Variants in CCBE1 observed in about 807,000 individuals in gnomAD.
CCBE1 encodes collagen and calcium-binding EGF domain-containing protein 1.
Under a neutral mutation model 50.0 loss-of-function variants are expected in CCBE1, and 37 were observed. The ratio of observed to expected loss-of-function variants is 0.74; its 90% CI spans 0.57 to 0.97. The LOEUF is 0.97. Among genes scored for constraint, CCBE1 ranks in the 50% least tolerant of loss-of-function variants. CCBE1 has a pLI of 0.00. For synonymous variants in CCBE1, 234 were observed against 203.7 expected, an observed-to-expected ratio of 1.15 and a Z score of -1.27; for missense variants, 538 against 523.8, an observed-to-expected ratio of 1.03 and a Z score of -0.26.
chr18:59,539,196 C>CAAA (rs763047358), intron 2 of CCBE1, among the ~76,000 whole-genome samples: 1,615 of 147,994 alleles, frequency 0.011, 13 homozygotes, highest in African/African-American at 0.014. Context: ...CACACACACA[C>CAAA]ACACAAAAAA....
intron 2 of CCBE1, among the ~76,000 whole-genome samples, chr18:59,662,745 A>G (rs190347070): frequency 1.3e-5 from 2 of 152,346 alleles, no homozygotes; most frequent in Admixed American, 6.5e-5. Context: ...GGCAGAATAG[A>G]TGCAAATGCT....
intron 2 of CCBE1, among the ~76,000 whole-genome samples, chr18:59,659,689 G>C (rs1158010628): frequency 6.6e-6 from 1 of 152,180 alleles, no homozygotes; most frequent in East Asian, 1.9e-4. Flanking sequence ...GCAGAGCTGA[G>C]CCTGATGACA....
intron 2 of CCBE1, among the ~76,000 whole-genome samples, chr18:59,487,759 A>G (rs1326929125): frequency 6.6e-6 from 1 of 152,246 alleles, no homozygotes; most frequent in Non-Finnish European, 1.5e-5. Flanking sequence ...ACTGATGGTC[A>G]AGATCAAATG....
chr18:59,575,958 C>T (rs1255179520), intron 2 of CCBE1, among the ~76,000 whole-genome samples: 1 of 152,248 alleles, frequency 6.6e-6, no homozygotes, highest in Non-Finnish European at 1.5e-5. Context: ...TTAACCCCTT[C>T]CCCTCCAGCT....
intron 2 of CCBE1, among the ~76,000 whole-genome samples, chr18:59,536,101 T>C (rs1190552336): frequency 2.0e-5 from 3 of 152,238 alleles, no homozygotes; most frequent in Non-Finnish European, 2.9e-5. Context: ...TTAACATTTG[T>C]AAAGGTCTGA....
In CCBE1 at chr18:59,635,099, C is replaced by G. The variant is rs77495136; in HGVS notation, c.212+61530G>C. On this transcript the variant is annotated intron_variant, in intron 2 of 10. Coordinates refer to ENST00000439986, the MANE Select transcript of CCBE1 (RefSeq NM_133459.4). ...ATATAAGCAAAGTAAAAAGTAGAGA[C>G]AGCAAAGCCACTCTAAAGGCAGAGA... Among the ~76,000 whole-genome samples, 778 of 152,278 alleles carry G rather than the reference C, an allele frequency of 5.1e-3. 27 individuals are homozygous for G. The East Asian group carries it at 0.091, about 18-fold the overall frequency.
chr18:59,665,988 G>A (rs1381787440), intron 2 of CCBE1: 1 of 152,300 alleles, frequency 6.6e-6, no homozygotes, highest in African/African-American at 2.4e-5. Context: ...CCCACGGACA[G>A]ATTCTATATC....
intron 2 of CCBE1, among the ~76,000 whole-genome samples, chr18:59,583,463 CTG>C (rs1404977663): frequency 6.6e-6 from 1 of 152,182 alleles, no homozygotes; most frequent in Non-Finnish European, 1.5e-5. Context: ...GAGGGCAAAA[CTG>C]TGCCCAAGTG....
chr18:59,514,905 C>G (rs1312780128), intron 2 of CCBE1, among the ~76,000 whole-genome samples: 1 of 152,112 alleles, frequency 6.6e-6, no homozygotes, highest in African/African-American at 2.4e-5. Context: ...TCCTAGCTCA[C>G]TTTACGCCTA....
chr18:59,522,126 CTTT>C (rs756293644), intron 2 of CCBE1, among the ~76,000 whole-genome samples: 1 of 73,564 alleles, frequency 1.4e-5, no homozygotes, highest in Admixed American at 1.3e-4. Flanking sequence ...CTTAACTTTT[CTTT>C]TTTTTTTTTT....
At chr18:59,500,592 G>T (rs751056400) in intron 2 of CCBE1, among the ~76,000 whole-genome samples, 1 of 152,158 alleles carries the variant, frequency 6.6e-6, no homozygotes, top group South Asian at 2.1e-4. Flanking sequence ...TTCTTAATGA[G>T]GAGCTCTGCC....
chr18:59,495,010 C>T (rs916500953), intron 2 of CCBE1, among the ~76,000 whole-genome samples: 13 of 152,154 alleles, frequency 8.5e-5, no homozygotes, highest in South Asian at 4.1e-4. Flanking sequence ...AAAAAATTAG[C>T]GAGGCATGTT....
At chr18:59,697,609 G>C (rs1568279521), upstream of CCBE1, 1 of 477,758 alleles carries the variant, frequency 2.1e-6, no homozygotes, top group East Asian at 4.0e-5. Flanking sequence ...GGGCCCTGAG[G>C]TTCAAGTTGT....
At chr18:59,601,010 G>GGTT (rs1555697206) in intron 2 of CCBE1, among the ~76,000 whole-genome samples, 1 of 58,004 alleles carries the variant, frequency 1.7e-5, no homozygotes, top group East Asian at 5.5e-4. Context: ...CTATGTGTCA[G>GGTT]TTTTTTTTTT....
chr18:59,438,191 A>G, intron 9 of CCBE1, 45 bp from the exon 10 acceptor site: 1 of 1,557,864 alleles, frequency 6.4e-7, no homozygotes, highest in Non-Finnish European at 8.9e-7. Flanking sequence ...GCACATGGAT[A>G]TCACAAGAAT....
Position 59,433,627 on chromosome 18 carries a change from C to CA in CCBE1, c.*2280dup, listed in dbSNP as rs1386172090. 6.8e-6 allele frequency: 1 copy of CA among 148,042 alleles called. No homozygotes were observed. The highest frequency in any genetic ancestry group is 1.5e-5 in the Non-Finnish European group (1 of 67,354). 9.2% of individuals were successfully genotyped at this position (148,042 alleles called of 1,614,324 possible). ...AAGGGATATTTTTTTTTTTTTGAGACAGAGTCTCGCTCTGTCGCCCAGGCT... is the reference window on the plus strand; with the variant it reads ...AAGGGATATTTTTTTTTTTTTGAGACAAGAGTCTCGCTCTGTCGCCCAGGCT... On this transcript the variant is annotated 3_prime_UTR_variant, in exon 11 of 11. Transcript: ENST00000439986.
chr18:59,667,950 G>A lies in CCBE1; in HGVS notation c.212+28679C>T, dbSNP rs142635564. 7.6e-4 allele frequency among the ~76,000 whole-genome samples: 116 copies of A among 152,206 alleles called. 1 individual carries two copies. Among genetic ancestry groups the A allele is most frequent in the African/African-American group, 2.7e-3 (113 of 41,530 alleles). ...AGGTGTTACGATGGACACAGGGAGA[G>A]GAACATCACACACCGGGACCTATCG... On this transcript the variant is annotated intron_variant, in intron 2 of 10. Transcript: ENST00000439986.
At position 59,471,304 on chromosome 18, in the gene CCBE1, G is replaced by A. The variant is rs1220516608; in HGVS notation, c.266-1697C>T. On this transcript the variant is annotated intron_variant, in intron 3 of 10. Coordinates refer to ENST00000439986, the MANE Select transcript of CCBE1 (RefSeq NM_133459.4). ...TTCTGCATCTCTAAATAGCTGACTT[G>A]CATTGCTTTATTTTTATTTTAAATC... Among the ~76,000 whole-genome samples the A allele has an allele frequency of 3.3e-5, 5 of 152,164 alleles. No individual in the cohort carries two copies. The East Asian group carries it at 9.6e-4, about 29-fold the overall frequency.
intron 2 of CCBE1, among the ~76,000 whole-genome samples, chr18:59,515,958 GCTTTTA>G (rs66543962): frequency 0.022 from 3,300 of 152,196 alleles, 142 homozygotes; most frequent in East Asian, 0.2. Flanking sequence ...CAACATTTGT[GCTTTTA>G]CTTTTATTTT....
Sources: gnomAD v4.1 joint callset for allele counts (sites outside exome capture counted in the v4.1 genomes callset) on GRCh38, gnomAD v4.1.1 for gene constraint, MANE v1.5 for transcripts, NCBI Gene and HGNC (gene_info 2026-07-23, HGNC 2026-07-21) for gene names.